KLHDC8A: variants seen among roughly 807,000 people sequenced by gnomAD.
KLHDC8A encodes kelch domain containing 8A, also known as kelch domain-containing protein 8A.
In KLHDC8A, 21 loss-of-function variants were observed where a neutral mutation model predicts 33.1. The ratio of observed to expected loss-of-function variants is 0.64; its 90% CI spans 0.45 to 0.91. The LOEUF (loss-of-function observed/expected upper bound fraction) is 0.91, where lower values mean the gene tolerates loss of function less well. Among genes scored for constraint, KLHDC8A ranks in the 40% least tolerant of loss-of-function variants. The pLI is 0.00. For synonymous variants in KLHDC8A, 173 were observed against 193.5 expected (o/e 0.89, Z 0.88); for missense variants, 435 against 483.3 (o/e 0.90, Z 0.94).
At chr1:205,354,360 A>G (rs1427040429) in intron 1 of KLHDC8A, among the ~76,000 whole-genome samples, 2 of 152,220 alleles carry the variant, frequency 1.3e-5, no homozygotes, top group Non-Finnish European at 2.9e-5. Flanking sequence ...TCCTCTTTAA[A>G]TATTAAGGCA....
At chr1:205,349,478 A>C (rs1341992063) in intron 1 of KLHDC8A, among the ~76,000 whole-genome samples, 1 of 152,170 alleles carries the variant, frequency 6.6e-6, no homozygotes, top group Non-Finnish European at 1.5e-5. Flanking sequence ...CAGATATGGG[A>C]TGATGGGTAA....
chr1:205,350,431 C>T (rs1481541393), intron 1 of KLHDC8A, among the ~76,000 whole-genome samples: 1 of 152,060 alleles, frequency 6.6e-6, no homozygotes, highest in African/African-American at 2.4e-5. Context: ...AAAGTGAAAA[C>T]GTGCCCATTT....
In KLHDC8A at chr1:205,343,241, C is replaced by G; in HGVS notation, c.364G>C (p.Val122Leu). ...TGGCCCCACTTGCCTTTGGCCGTGA[C>G]AGAAATGCCCATGGCGGCCTCACGC... ...MLREAAMGIS[V>L]TAKDYRVYAA... The change falls in exon 2 of 6, where the codon GTC becomes CTC. Residue 122 changes from valine (V) to leucine (L), a missense_variant. Val to Leu is a conservative substitution (Grantham distance 32). Coordinates refer to ENST00000367155, the MANE Select transcript of KLHDC8A (RefSeq NM_018203.3). 11 of 1,589,124 alleles carry G rather than the reference C, an allele frequency of 6.9e-6. No individual in the cohort carries two copies. The highest frequency in any genetic ancestry group is 9.5e-6 in the Non-Finnish European group (11 of 1,162,710).
chr1:205,352,597 C>G (rs368358339), intron 1 of KLHDC8A, among the ~76,000 whole-genome samples: 1 of 152,160 alleles, frequency 6.6e-6, no homozygotes, highest in East Asian at 1.9e-4. Flanking sequence ...GGCGGGGACG[C>G]GTGATGAGCT....
At chr1:205,345,414 CCA>C (rs1247250254) in intron 1 of KLHDC8A, among the ~76,000 whole-genome samples, 1 of 152,100 alleles carries the variant, frequency 6.6e-6, no homozygotes, top group Non-Finnish European at 1.5e-5. Context: ...TATATCACAA[CCA>C]GGGTTTTGAA....
Position 205,339,362 on chromosome 1 carries a change from T to A in KLHDC8A, c.589A>T (p.Ile197Phe), listed in dbSNP as rs751825708. The change falls in exon 4 of 6, where the codon ATC becomes TTC. Residue 197 changes from isoleucine (I) to phenylalanine (F), a missense_variant. Physicochemically the swap from Ile to Phe is conservative, Grantham distance 21 (BLOSUM62 0). Coordinates refer to ENST00000367155, the MANE Select transcript of KLHDC8A (RefSeq NM_018203.3). This position sits in a 1 kb window ranked among gnomAD's most constrained non-coding sequence, Gnocchi z 5.1. ...YAVNAFEVFD[I>F]ETRSWTKFPN... is the part of the protein sequence containing the mutation. ...AACTTGGTCCAGGAGCGAGTCTCGA[T>A]GTCAAAGACCTCGAAAGCGTTGACC... The A allele has an allele frequency of 1.9e-5, 30 of 1,614,076 alleles. No individual in the cohort carries two copies. Among genetic ancestry groups the A allele is most frequent in the African/African-American group, 2.7e-5 (2 of 74,950 alleles).
At position 205,339,069 on chromosome 1, in the gene KLHDC8A, T is replaced by C. The variant is rs1662713725; in HGVS notation, c.757+125A>G. 1 of 732,156 alleles carries C rather than the reference T, an allele frequency of 1.4e-6. No homozygotes were observed. The allele number at this position is 732,156 out of a possible 1,614,324, so 45.4% of individuals were successfully genotyped here. A position where few individuals can be genotyped will look rare whatever the true frequency, so the allele number is the denominator to read the frequency against. On this transcript the variant is annotated intron_variant, in intron 4 of 5. Coordinates refer to ENST00000367155, the MANE Select transcript of KLHDC8A (RefSeq NM_018203.3). The surrounding 1 kb of genome is among the most constrained non-coding windows in gnomAD (Gnocchi z 5.1). The stretch of plus-strand genomic sequence containing the variant: ...CCTGAGTGGAGAGGGGTGCTGAGAC[T>C]TCTGAGAAGCTTGCCCAGCTGGGTA...
Position 205,339,133 on chromosome 1 carries a change from G to A in KLHDC8A, c.757+61C>T. The A allele has an allele frequency of 7.0e-7, 1 of 1,424,810 alleles. No homozygotes were observed. The highest frequency in any genetic ancestry group is 9.8e-7 in the Non-Finnish European group (1 of 1,017,588). 88.3% of individuals were successfully genotyped at this position (1,424,810 alleles called of 1,614,324 possible). A position where few individuals can be genotyped will look rare whatever the true frequency, so the allele number is the denominator to read the frequency against. On this transcript the variant is annotated intron_variant, in intron 4 of 5. Transcript: ENST00000367155. This position sits in a 1 kb window ranked among gnomAD's most constrained non-coding sequence, Gnocchi z 5.1. ...GATGGCTGGAATAGGGGTAAGGGAT[G>A]GGGAGCCAGCCAGAAGGGCAGTGGG...
intron 1 of KLHDC8A, chr1:205,351,256 G>T: frequency 2.4e-6 from 2 of 819,354 alleles, no homozygotes; most frequent in Non-Finnish European, 4.4e-6. Flanking sequence ...CATGAGCAAA[G>T]CTCACCCTCC....
At chr1:205,351,919 CA>C (rs143327523) in intron 1 of KLHDC8A, among the ~76,000 whole-genome samples, 38,259 of 137,992 alleles carry the variant, frequency 0.28, 4,887 homozygotes, top group South Asian at 0.36. Flanking sequence ...AACTCCGTCT[CA>C]AAAAAAAAAA....
intron 5 of KLHDC8A, among the ~76,000 whole-genome samples, 187 bp from the exon 6 acceptor site, chr1:205,337,779 A>T (rs150948872): frequency 1.3e-5 from 2 of 151,938 alleles, no homozygotes; most frequent in African/African-American, 2.4e-5. Context: ...TGTCCCTCCT[A>T]CCGTCTTCCT....
chr1:205,342,214 AT>A (rs1250619568), intron 2 of KLHDC8A, among the ~76,000 whole-genome samples: 1 of 152,216 alleles, frequency 6.6e-6, no homozygotes, highest in African/African-American at 2.4e-5. Context: ...CAAAGCACAA[AT>A]GGTAAGGATT....
At position 205,336,694 on chromosome 1, in the gene KLHDC8A, A is replaced by G. The variant is rs1662642314; in HGVS notation, c.*705T>C. The G allele has an allele frequency of 6.6e-6, 1 of 152,578 alleles. No individual in the cohort carries two copies. 9.5% of individuals were successfully genotyped at this position (152,578 alleles called of 1,614,324 possible). ...GTGGGGAGGGGGTGGCAAAAGGTGA[A>G]GTGGAATTAGGAGAGATGTGGGGAG... On this transcript the variant is annotated 3_prime_UTR_variant, in exon 6 of 6. Transcript: ENST00000367155.
chr1:205,338,540 C>A lies in KLHDC8A; in HGVS notation c.814G>T (p.Val272Leu), dbSNP rs943408841. 3.7e-6 allele frequency: 6 copies of A among 1,614,182 alleles called. No homozygotes were observed. The highest frequency in any genetic ancestry group is 5.1e-6 in the Non-Finnish European group (6 of 1,180,038). ...FFLKKRRADFVAGSLSGRVIV... is the reference protein window; with the variant it reads ...FFLKKRRADFLAGSLSGRVIV... ...ACCCGTCCACTCAGAGAGCCAGCCACAAAATCTGCCCGCCGCTTCTTGAGG... is the reference window on the plus strand; with the variant it reads ...ACCCGTCCACTCAGAGAGCCAGCCAAAAAATCTGCCCGCCGCTTCTTGAGG... Residue 272 changes from valine to leucine, a missense_variant, in exon 5 of 6, where the codon GTG becomes TTG. Val to Leu is a conservative substitution (Grantham distance 32). Transcript: ENST00000367155.
chr1:205,343,385 C>T lies in KLHDC8A; in HGVS notation c.220G>A (p.Val74Ile), dbSNP rs1237436388. 1.2e-6 allele frequency: 2 copies of T among 1,613,422 alleles called. No homozygotes were observed. Among genetic ancestry groups the T allele is most frequent in the South Asian group, 1.1e-5 (1 of 91,062 alleles). Residue 74 changes from valine (V) to isoleucine (I), a missense_variant, in exon 2 of 6, where the codon GTC becomes ATC. Physicochemically the swap from Val to Ile is conservative, Grantham distance 29. Coordinates refer to ENST00000367155, the MANE Select transcript of KLHDC8A (RefSeq NM_018203.3). Reference protein sequence around the residue: ...RLPTARAGVAVTALGKRIMVI... With the variant: ...RLPTARAGVAITALGKRIMVI... Reference sequence around the variant, plus strand: ...ATGATCCGCTTCCCCAGGGCGGTGACGGCCACCCCCGCCCGGGCTGTGGGC... The same window carrying T: ...ATGATCCGCTTCCCCAGGGCGGTGATGGCCACCCCCGCCCGGGCTGTGGGC...
intron 1 of KLHDC8A, among the ~76,000 whole-genome samples, chr1:205,345,268 A>T (rs1662914126): frequency 6.6e-6 from 1 of 152,260 alleles, no homozygotes; most frequent in South Asian, 2.1e-4. Context: ...ATACAGATAG[A>T]TAGATCTATG....
At chr1:205,350,120 C>G (rs942150203) in intron 1 of KLHDC8A, among the ~76,000 whole-genome samples, 6 of 152,188 alleles carry the variant, frequency 3.9e-5, no homozygotes, top group East Asian at 3.9e-4. Context: ...TCTGGCCCCA[C>G]CAGCTCTCAC....
Position 205,339,279 on chromosome 1 carries a change from C to G in KLHDC8A, c.672G>C (p.Leu224Phe), listed in dbSNP as rs761527774. ...FSSFVTLDNH[L>F]YSLGGLRQGR... ...CTTGCCGCAGGCCTCCTAGGCTGTA[C>G]AAGTGGTTGTCCAGGGTCACAAAGC... The change falls in exon 4 of 6, where the codon TTG (leucine) becomes TTC (phenylalanine). Residue 224 changes from leucine to phenylalanine, a missense_variant. Coordinates refer to ENST00000367155, the MANE Select transcript of KLHDC8A (RefSeq NM_018203.3). This position sits in a 1 kb window ranked among gnomAD's most constrained non-coding sequence, Gnocchi z 5.1. 1 of 1,614,196 alleles carries G rather than the reference C, an allele frequency of 6.2e-7. No homozygotes were observed. Among genetic ancestry groups the G allele is most frequent in the Non-Finnish European group, 8.5e-7 (1 of 1,180,024 alleles).
chr1:205,350,522 G>A (rs1361909615), intron 1 of KLHDC8A, among the ~76,000 whole-genome samples: 2 of 152,238 alleles, frequency 1.3e-5, no homozygotes, highest in South Asian at 2.1e-4. Context: ...GCCTTTATGA[G>A]GGCAGCTCTG....
Sources: gnomAD v4.1 joint callset for allele counts (sites outside exome capture counted in the v4.1 genomes callset) on GRCh38, gnomAD v4.1.1 for gene constraint, Gnocchi (gnomAD v3.1) non-coding constraint, MANE v1.5 for transcripts, NCBI Gene and HGNC (gene_info 2026-07-23, HGNC 2026-07-21) for gene names.